The following ENTREP2 variants were observed in gnomAD, a reference collection of about 807,000 sequenced individuals.
The protein encoded by ENTREP2 is protein ENTREP2.
chr15:29,521,596 T>C, the ENTREP2 span, among the ~76,000 whole-genome samples: 3 of 152,142 alleles, frequency 2.0e-5, no homozygotes, highest in Admixed American at 2.0e-4. Flanking sequence ...ACTAGGGAAC[T>C]TTCCTCCTCT....
the ENTREP2 span, among the ~76,000 whole-genome samples, chr15:29,124,151 C>T: frequency 6.6e-6 from 1 of 152,214 alleles, no homozygotes; most frequent in Non-Finnish European, 1.5e-5. Context: ...CCTGCCAGGC[C>T]AGAGGCTGGG....
the ENTREP2 span, among the ~76,000 whole-genome samples, chr15:29,261,413 G>A: frequency 1.1e-4 from 17 of 152,216 alleles, no homozygotes; most frequent in South Asian, 1.0e-3. Context: ...GCATGGTGGC[G>A]CTTGACTGTA....
chr15:29,202,774 T>C, the ENTREP2 span, among the ~76,000 whole-genome samples: 1 of 152,206 alleles, frequency 6.6e-6, no homozygotes, highest in Non-Finnish European at 1.5e-5. Context: ...CTGAGAAAGA[T>C]GGCTTCCAGC....
chr15:29,441,949 C>A, the ENTREP2 span, among the ~76,000 whole-genome samples: 2 of 152,176 alleles, frequency 1.3e-5, no homozygotes, highest in African/African-American at 2.4e-5. Flanking sequence ...ATGTGTCCAC[C>A]CAACATTTCC....
the ENTREP2 span, among the ~76,000 whole-genome samples, chr15:29,492,271 G>C: frequency 6.6e-6 from 1 of 152,188 alleles, no homozygotes; most frequent in Non-Finnish European, 1.5e-5. Context: ...AGAATTAGCA[G>C]TAGCATGAGG....
At chr15:29,360,547 TAC>T in the ENTREP2 span, among the ~76,000 whole-genome samples, 1 of 152,234 alleles carries the variant, frequency 6.6e-6, no homozygotes, top group Non-Finnish European at 1.5e-5. Context: ...TCATCATTAA[TAC>T]AGTGAATTAA....
the ENTREP2 span, among the ~76,000 whole-genome samples, chr15:29,451,737 C>T: frequency 6.6e-6 from 1 of 152,182 alleles, no homozygotes; most frequent in Admixed American, 6.5e-5. Context: ...GCCACCACTC[C>T]TATCACAGCC....
the ENTREP2 span, among the ~76,000 whole-genome samples, chr15:29,352,256 A>T: frequency 6.6e-6 from 1 of 152,112 alleles, no homozygotes; most frequent in African/African-American, 2.4e-5. Context: ...TTAATCCTCA[A>T]AAGATCCCAT....
chr15:29,231,590 C>A, the ENTREP2 span, among the ~76,000 whole-genome samples: 2 of 151,928 alleles, frequency 1.3e-5, no homozygotes, highest in Non-Finnish European at 2.9e-5. Flanking sequence ...GTATTTATAT[C>A]CATATATCCT....
chr15:29,166,823 T>C, the ENTREP2 span, among the ~76,000 whole-genome samples: 1 of 152,028 alleles, frequency 6.6e-6, no homozygotes, highest in Non-Finnish European at 1.5e-5. Flanking sequence ...AAAACAATTC[T>C]AAAATTCATA....
At chr15:29,210,524 C>T in the ENTREP2 span, among the ~76,000 whole-genome samples, 9 of 152,216 alleles carry the variant, frequency 5.9e-5, no homozygotes, top group Non-Finnish European at 1.2e-4. Context: ...AGCGCGATTC[C>T]TATTGTGAAC....
chr15:29,531,458 C>T, the ENTREP2 span, among the ~76,000 whole-genome samples: 1 of 152,108 alleles, frequency 6.6e-6, no homozygotes, highest in African/African-American at 2.4e-5. Context: ...CAGGCCAACT[C>T]CTGTCTGAGG....
chr15:29,537,678 G>A, the ENTREP2 span, among the ~76,000 whole-genome samples: 3 of 152,174 alleles, frequency 2.0e-5, no homozygotes, highest in South Asian at 2.1e-4. Context: ...AGGATGATCC[G>A]GTTAGAATAA....
chr15:29,371,349 A>AACACACACACACACACAC, the ENTREP2 span, among the ~76,000 whole-genome samples: 840 of 133,964 alleles, frequency 6.3e-3, 15 homozygotes, highest in African/African-American at 0.021. Context: ...CACCCCCGCA[A>AACACACACACACACACAC]ACACACACAC....
At chr15:29,371,283 C>T in the ENTREP2 span, among the ~76,000 whole-genome samples, 1 of 151,654 alleles carries the variant, frequency 6.6e-6, no homozygotes, top group Non-Finnish European at 1.5e-5. Context: ...TTCTGGACCA[C>T]GCATACTAGG....
the ENTREP2 span, among the ~76,000 whole-genome samples, chr15:29,426,140 C>A: frequency 6.6e-6 from 1 of 151,996 alleles, no homozygotes; most frequent in Non-Finnish European, 1.5e-5. Flanking sequence ...TTGTGCACTA[C>A]AAGTCATTTC....
At chr15:29,124,945 G>C in the ENTREP2 span, among the ~76,000 whole-genome samples, 14,614 of 152,256 alleles carry the variant, frequency 0.096, 776 homozygotes, top group East Asian at 0.23. Context: ...GGCCTGCCGT[G>C]GGTCAAGTGG....
the ENTREP2 span, among the ~76,000 whole-genome samples, chr15:29,462,966 G>A: frequency 6.6e-6 from 1 of 152,200 alleles, no homozygotes; most frequent in Non-Finnish European, 1.5e-5. Flanking sequence ...TCGATCTTGT[G>A]CACCTACCTC....
the ENTREP2 span, chr15:29,570,057 C>CCCCCG: frequency 1.7e-5 from 2 of 119,190 alleles, no homozygotes; most frequent in East Asian, 4.0e-4. Flanking sequence ...CCCCACCCCC[C>CCCCCG]ACCCCCACCG....
Sources: gnomAD v4.1 joint callset for allele counts (sites outside exome capture counted in the v4.1 genomes callset) on GRCh38, gnomAD v4.1.1 for gene constraint, MANE v1.5 for transcripts, NCBI Gene and HGNC (gene_info 2026-07-23, HGNC 2026-07-21) for gene names.